The following DCAF8 variants were observed in gnomAD, a reference collection of about 807,000 sequenced individuals.
DCAF8 encodes the protein DDB1 and CUL4 associated factor 8.
A neutral mutation model predicts 68.0 loss-of-function variants in DCAF8; 20 were observed. The observed-to-expected ratio is 0.29, with a 90% CI of 0.21 to 0.43. DCAF8 has a LOEUF of 0.43. Among genes scored for constraint, DCAF8 ranks in the 20% least tolerant of loss-of-function variants. DCAF8 has a pLI of 1.00. For missense variants in DCAF8, 460 were observed against 771.0 expected (o/e 0.60, Z 4.78); for synonymous variants, 230 against 276.9 (o/e 0.83, Z 1.68).
At chr1:160,219,505 A>G in intron 11 of DCAF8, 1 of 153,846 alleles carries the variant, frequency 6.5e-6, no homozygotes, top group Non-Finnish European at 1.5e-5. Context: ...GCTGAGTTGC[A>G]GGGAGTGGTG....
chr1:160,244,843 G>A (rs962965282), intron 2 of DCAF8, among the ~76,000 whole-genome samples: 9 of 151,958 alleles, frequency 5.9e-5, no homozygotes, highest in African/African-American at 9.7e-5. Context: ...TCGATCTCCC[G>A]AGTGATCCGC....
intron 2 of DCAF8, among the ~76,000 whole-genome samples, chr1:160,252,481 C>A (rs1449096222): frequency 6.6e-6 from 1 of 152,078 alleles, no homozygotes; most frequent in East Asian, 1.9e-4. Flanking sequence ...AAAAACCTGA[C>A]ATGGTCAAGA....
chr1:160,247,382 T>C (rs1656385598), intron 2 of DCAF8, among the ~76,000 whole-genome samples: 1 of 152,184 alleles, frequency 6.6e-6, no homozygotes, highest in Admixed American at 6.5e-5. Flanking sequence ...CTTAAATTTT[T>C]AACCAATTAC....
intron 13 of DCAF8, 167 bp downstream of exon 13, chr1:160,218,157 C>T: frequency 1.2e-5 from 8 of 672,896 alleles, no homozygotes; most frequent in Non-Finnish European, 2.2e-5. Context: ...CCCTTTTCTG[C>T]TGATGTCTCT....
rs75745563 is a variant in DCAF8, at chr1:160,260,587, C to T, written c.-27+698G>A. ...TGCTACCAGAAACCTGAAAGCCTCA[C>T]GAAAACTGCATTTATAAGTATGTTC... On this transcript the variant is annotated intron_variant, in intron 2 of 13. Transcript: ENST00000368074. Among the ~76,000 whole-genome samples, 9 of 145,760 alleles carry T rather than the reference C, an allele frequency of 6.2e-5. No homozygotes were observed. In the East Asian group the frequency reaches 1.5e-3, roughly 25 times the overall value.
At position 160,217,613 on chromosome 1, in the gene DCAF8, C is replaced by T. The variant is rs973482041; in HGVS notation, c.1773G>A (p.Arg591=). 9 of 1,613,666 alleles carry T rather than the reference C, an allele frequency of 5.6e-6. No individual in the cohort carries two copies. In the African/African-American group the frequency reaches 1.2e-4, roughly 22 times the overall value. Residue 591 remains arginine, a synonymous_variant, in exon 14 of 14, where the codon CGG becomes CGA. Coordinates refer to ENST00000368074, the MANE Select transcript of DCAF8 (RefSeq NM_015726.4). The part of the protein sequence containing the change: ...DTSDEEEGPD[R]VQCMPS ...GGCCTCAAGATGGCATGCACTGCAC[C>T]CGGTCAGGGCCCTCCTCCTCGTCCG...
At chr1:160,248,989 T>C (rs1031342567) in intron 2 of DCAF8, among the ~76,000 whole-genome samples, 19 of 151,782 alleles carry the variant, frequency 1.3e-4, no homozygotes, top group African/African-American at 4.6e-4. Flanking sequence ...GTCAGGAATT[T>C]GAGGCTGGCC....
intron 2 of DCAF8, among the ~76,000 whole-genome samples, chr1:160,245,050 A>AAG: frequency 6.6e-6 from 1 of 152,320 alleles, no homozygotes; most frequent in East Asian, 1.9e-4. Flanking sequence ...TCTAAGCACA[A>AAG]AGACAAAGGT....
chr1:160,225,208 A>AT (rs1464466432), intron 8 of DCAF8, 89 bp from the exon 9 acceptor site: 2 of 1,213,194 alleles, frequency 1.6e-6, no homozygotes, highest in African/African-American at 3.0e-5. Context: ...AAACTCCCCT[A>AT]TATCTTCTCC....
At chr1:160,218,727 G>T in intron 12 of DCAF8, 122 bp downstream of exon 12, 1 of 1,413,768 alleles carries the variant, frequency 7.1e-7, no homozygotes, top group Non-Finnish European at 9.7e-7. Flanking sequence ...AGGAATGTGG[G>T]GGAGGGTGTT....
At chr1:160,248,586 T>C (rs1050511791) in intron 2 of DCAF8, among the ~76,000 whole-genome samples, 1 of 151,256 alleles carries the variant, frequency 6.6e-6, no homozygotes, top group Admixed American at 6.6e-5. Flanking sequence ...TACAAAAAAA[T>C]TAGGCAGGCA....
At chr1:160,237,251 C>T (rs1655929057) in intron 5 of DCAF8, 22 bp from the exon 6 acceptor site, 1 of 1,499,606 alleles carries the variant, frequency 6.7e-7, no homozygotes, top group Non-Finnish European at 9.1e-7. Flanking sequence ...AAAGGAAAAA[C>T]ATGAGGTTTC....
chr1:160,244,648 C>T (rs553029526), intron 2 of DCAF8, among the ~76,000 whole-genome samples: 11 of 150,918 alleles, frequency 7.3e-5, no homozygotes, highest in Non-Finnish European at 1.3e-4. Context: ...GACAGAGTCT[C>T]ATTCTGTCGC....
intron 6 of DCAF8, 83 bp from the exon 7 acceptor site, chr1:160,231,490 T>A: frequency 3.2e-6 from 3 of 933,098 alleles, no homozygotes; most frequent in South Asian, 2.9e-5. Context: ...GAGAGTCACA[T>A]GGCTAATAAG....
chr1:160,258,543 T>A (rs1656930224), intron 2 of DCAF8, among the ~76,000 whole-genome samples: 1 of 151,824 alleles, frequency 6.6e-6, no homozygotes, highest in Non-Finnish European at 1.5e-5. Flanking sequence ...TCCCAGCACT[T>A]TGGGAGGCCA....
At chr1:160,236,398 ATGTGTATATGTG>A (rs1224540759) in intron 6 of DCAF8, among the ~76,000 whole-genome samples, 3 of 151,884 alleles carry the variant, frequency 2.0e-5, no homozygotes, top group Non-Finnish European at 4.4e-5. Flanking sequence ...ATATGTGTAC[ATGTGTATATGTG>A]TGTGTATATA....
chr1:160,218,882 A>G lies in DCAF8; in HGVS notation c.1527T>C (p.Ala509=), dbSNP rs764235250. 2 of 1,614,204 alleles carry G rather than the reference A, an allele frequency of 1.2e-6. No homozygotes were observed. The highest frequency in any genetic ancestry group is 4.5e-5 in the East Asian group (2 of 44,886). The part of the protein sequence containing the change: ...DHDVKIWAPT[A]EASTELTGLK... Reference sequence around the variant, plus strand: ...ACCCTGTCAGCTCAGTGGAAGCTTCAGCTGTGGGTGCCCAGATCTTCACAT... The same window carrying G: ...ACCCTGTCAGCTCAGTGGAAGCTTCGGCTGTGGGTGCCCAGATCTTCACAT... The change falls in exon 12 of 14, where the codon GCT becomes GCC. Residue 509 remains alanine, a synonymous_variant. Transcript: ENST00000368074.
intron 6 of DCAF8, among the ~76,000 whole-genome samples, chr1:160,236,491 C>T (rs113385596): frequency 0.022 from 3,345 of 150,968 alleles, 119 homozygotes; most frequent in African/African-American, 0.078. Flanking sequence ...GAGGGAAGGA[C>T]GGAGGGAGGG....
intron 2 of DCAF8, among the ~76,000 whole-genome samples, chr1:160,244,921 A>G (rs962840225): frequency 1.3e-5 from 2 of 152,112 alleles, no homozygotes; most frequent in Non-Finnish European, 2.9e-5. Context: ...ACTAACTTCA[A>G]ACTTATTAAA....
Sources: allele counts gnomAD v4.1 joint callset (sites outside exome capture counted in the v4.1 genomes callset), GRCh38; gene constraint gnomAD v4.1.1; transcripts MANE v1.5; gene names NCBI Gene and HGNC (gene_info 2026-07-23, HGNC 2026-07-21).